The following CCDC178 variants were observed in gnomAD, a reference collection of about 807,000 sequenced individuals.
The protein encoded by CCDC178 is coiled-coil domain containing 178.
CCDC178 carries 126 observed loss-of-function variants against 117.4 expected under a neutral mutation model. The ratio of observed to expected loss-of-function variants is 1.07; its 90% CI spans 0.93 to 1.24. The LOEUF is 1.24. CCDC178 is among the 50% of genes most tolerant of loss of function. CCDC178 has a pLI of 0.00. For missense variants in CCDC178, 1,030 were observed against 986.9 expected (o/e 1.04, Z -0.59); for synonymous variants, 283 against 313.4 (o/e 0.90, Z 1.02).
chr18:33,077,322 T>C (rs2145019414), intron 21 of CCDC178, among the ~76,000 whole-genome samples: 1 of 152,212 alleles, frequency 6.6e-6, no homozygotes, highest in South Asian at 2.1e-4. Context: ...ATAAGCTAAA[T>C]AGTATTCCCT....
In CCDC178 at chr18:33,352,589, CG is replaced by C. The variant is rs200886234; in HGVS notation, c.372-3615del. Among the ~76,000 whole-genome samples the C allele has an allele frequency of 9.3e-3, 1,420 of 152,168 alleles. 17 individuals carry two copies. Among genetic ancestry groups the C allele is most frequent in the Middle Eastern group, 0.02 (6 of 294 alleles). ...TCTGTGGACTACTTTTGCTGCATTTCGTAAGTTTAAATACATTGTGTTTTCA... is the reference window on the plus strand; with the variant it reads ...TCTGTGGACTACTTTTGCTGCATTTCTAAGTTTAAATACATTGTGTTTTCA... On this transcript the variant is annotated intron_variant, in intron 7 of 22. Transcript: ENST00000383096.
At chr18:33,204,201 C>T (rs754635850) in intron 20 of CCDC178, among the ~76,000 whole-genome samples, 4 of 151,932 alleles carry the variant, frequency 2.6e-5, no homozygotes, top group East Asian at 1.9e-4. Flanking sequence ...TTCCCAAACT[C>T]GAACTAAAAA....
chr18:33,295,490 A>T (rs1198550074), intron 11 of CCDC178, among the ~76,000 whole-genome samples: 2 of 152,146 alleles, frequency 1.3e-5, no homozygotes, highest in African/African-American at 4.8e-5. Context: ...ACACCCTCAA[A>T]GACAAAAAGA....
At chr18:33,112,760 T>G (rs2057802170) in intron 20 of CCDC178, among the ~76,000 whole-genome samples, 1 of 151,860 alleles carries the variant, frequency 6.6e-6, no homozygotes, top group African/African-American at 2.4e-5. Flanking sequence ...TCCCTATTAT[T>G]ATCACTCCAT....
chr18:33,337,295 G>A (rs1473954720), intron 9 of CCDC178, among the ~76,000 whole-genome samples: 1 of 151,882 alleles, frequency 6.6e-6, no homozygotes, highest in African/African-American at 2.4e-5. Context: ...CCAGTTCTAG[G>A]AGCTTTTTGG....
chr18:33,011,633 A>G (rs1047837106), intron 21 of CCDC178, among the ~76,000 whole-genome samples: 15 of 151,868 alleles, frequency 9.9e-5, no homozygotes, highest in Admixed American at 6.6e-5. Flanking sequence ...AAGCGACTAA[A>G]GTTGCTGGCT....
chr18:33,211,273 T>C (rs952251511), intron 20 of CCDC178, among the ~76,000 whole-genome samples: 1 of 151,902 alleles, frequency 6.6e-6, no homozygotes, highest in African/African-American at 2.4e-5. Context: ...TTAAATATGG[T>C]ACTAATTCAT....
chr18:33,038,374 G>C (rs2144884195), intron 21 of CCDC178, among the ~76,000 whole-genome samples: 1 of 152,008 alleles, frequency 6.6e-6, no homozygotes, highest in South Asian at 2.1e-4. Flanking sequence ...ATTATATATT[G>C]AATTTTCTCA....
At chr18:33,304,958 C>T (rs2062228751) in intron 11 of CCDC178, among the ~76,000 whole-genome samples, 2 of 152,174 alleles carry the variant, frequency 1.3e-5, no homozygotes, top group Admixed American at 1.3e-4. Context: ...TTTTGCTCCC[C>T]TTATCCCTCA....
chr18:33,186,646 A>C (rs181407956), intron 20 of CCDC178, among the ~76,000 whole-genome samples: 1 of 152,038 alleles, frequency 6.6e-6, no homozygotes, highest in African/African-American at 2.4e-5. Flanking sequence ...TGAGATTGTT[A>C]CTTTTTCTTT....
At chr18:32,965,779 C>T (rs2144671911) in intron 22 of CCDC178, among the ~76,000 whole-genome samples, 1 of 151,446 alleles carries the variant, frequency 6.6e-6, no homozygotes, top group Middle Eastern at 3.4e-3. Flanking sequence ...GAAAAACATG[C>T]CAGCATGATG....
intron 20 of CCDC178, among the ~76,000 whole-genome samples, chr18:33,123,019 G>A (rs752693114): frequency 2.0e-5 from 3 of 152,188 alleles, no homozygotes; most frequent in South Asian, 2.1e-4. Flanking sequence ...CCCTGAATAA[G>A]TATCACAGTC....
intron 20 of CCDC178, among the ~76,000 whole-genome samples, chr18:33,105,849 T>A (rs2145116283): frequency 6.6e-6 from 1 of 151,664 alleles, no homozygotes; most frequent in South Asian, 2.1e-4. Context: ...TAAGCTGTGT[T>A]CTCACAACTC....
At chr18:33,105,321 T>A (rs1178815005) in intron 20 of CCDC178, among the ~76,000 whole-genome samples, 1 of 151,656 alleles carries the variant, frequency 6.6e-6, no homozygotes, top group Non-Finnish European at 1.5e-5. Context: ...TTCATATTAA[T>A]TTCCCCACTT....
At chr18:33,128,318 TAAAC>T (rs1368516895) in intron 20 of CCDC178, among the ~76,000 whole-genome samples, 1 of 152,200 alleles carries the variant, frequency 6.6e-6, no homozygotes, top group African/African-American at 2.4e-5. Flanking sequence ...AATTAATTAT[TAAAC>T]AACTGTGAAC....
intron 17 of CCDC178, among the ~76,000 whole-genome samples, chr18:33,224,053 C>G (rs1170733494): frequency 6.6e-6 from 1 of 152,122 alleles, no homozygotes; most frequent in Non-Finnish European, 1.5e-5. Context: ...AATAGAAACA[C>G]TTTTTAAATC....
At chr18:33,024,936 A>C (rs1252196076) in intron 21 of CCDC178, among the ~76,000 whole-genome samples, 1 of 152,014 alleles carries the variant, frequency 6.6e-6, no homozygotes, top group African/African-American at 2.4e-5. Context: ...TACAGGCATG[A>C]GCCACCGCTC....
chr18:33,388,724 T>A (rs2063527134), intron 5 of CCDC178, among the ~76,000 whole-genome samples: 1 of 151,050 alleles, frequency 6.6e-6, no homozygotes, highest in Non-Finnish European at 1.5e-5. Flanking sequence ...TTTCACCGTT[T>A]TAGCCGGGAT....
At chr18:33,225,302 A>G (rs1348180116) in intron 16 of CCDC178, among the ~76,000 whole-genome samples, 1 of 151,858 alleles carries the variant, frequency 6.6e-6, no homozygotes, top group African/African-American at 2.4e-5. Flanking sequence ...AGCTGGAATT[A>G]CAGGCCTGTA....
Sources: allele counts gnomAD v4.1 joint callset (sites outside exome capture counted in the v4.1 genomes callset), GRCh38; gene constraint gnomAD v4.1.1; transcripts MANE v1.5; gene names NCBI Gene and HGNC (gene_info 2026-07-23, HGNC 2026-07-21).